The following SVIL variants were observed in gnomAD, a reference collection of about 807,000 sequenced individuals.
SVIL encodes supervillin.
Under a neutral mutation model 240.4 loss-of-function variants are expected in SVIL, and 101 were observed. The ratio of observed to expected loss-of-function variants is 0.42; its 90% CI spans 0.36 to 0.50. The LOEUF (loss-of-function observed/expected upper bound fraction) is 0.50. SVIL is among the 20% of genes least tolerant of loss of function. SVIL has a pLI of 0.01. For missense variants in SVIL, 2,512 were observed against 2,818.7 expected (o/e 0.89, Z 2.46); for synonymous variants, 999 against 1,100.0 (o/e 0.91, Z 1.82).
intron 2 of SVIL, among the ~76,000 whole-genome samples, chr10:29,678,980 T>C (rs1960414342): frequency 1.3e-5 from 2 of 152,056 alleles, no homozygotes; most frequent in East Asian, 3.9e-4. Context: ...CTGAGGTAGG[T>C]GGATCAACAG....
intron 2 of SVIL, chr10:29,671,138 G>A (rs558748642): frequency 6.6e-6 from 1 of 152,190 alleles, no homozygotes; most frequent in African/African-American, 2.4e-5. Flanking sequence ...AGCTGGAACC[G>A]TCCAAACCTT....
At chr10:29,473,608 A>G (rs1032419579) in intron 30 of SVIL, 2 of 584,296 alleles carry the variant, frequency 3.4e-6, no homozygotes, top group African/African-American at 1.9e-5. Flanking sequence ...TGGATTTCCT[A>G]TTTGCAGATA....
At chr10:29,622,843 C>A (rs904152723) in intron 1 of SVIL, among the ~76,000 whole-genome samples, 3 of 152,204 alleles carry the variant, frequency 2.0e-5, no homozygotes, top group African/African-American at 7.2e-5. Context: ...GCAAACCGCT[C>A]CCTAAGCGAG....
intron 36 of SVIL, among the ~76,000 whole-genome samples, chr10:29,459,367 ACC>A (rs1424532110): frequency 1.3e-5 from 2 of 152,080 alleles, no homozygotes; most frequent in Non-Finnish European, 2.9e-5. Flanking sequence ...TTTTAAACAA[ACC>A]CTGTCTCAGA....
rs190451614 is a variant in SVIL at position 29,597,005 on chromosome 10, C to G, written c.-200-27693G>C. Among the ~76,000 whole-genome samples the G allele has an allele frequency of 1.1e-3, 169 of 152,268 alleles. 2 individuals carry two copies. In the South Asian group the frequency reaches 0.034, roughly 31 times the overall value. On this transcript the variant is annotated intron_variant, in intron 1 of 37. Coordinates refer to ENST00000355867, the MANE Select transcript of SVIL (RefSeq NM_021738.3). ...GGGCAGGAGAGGGCTCTCCCGCCCC[C>G]CTACCAGGAATGTCTGGTGATGGTC...
chr10:29,724,306 G>T (rs556276196), intron 1 of SVIL, among the ~76,000 whole-genome samples: 12 of 146,366 alleles, frequency 8.2e-5, no homozygotes, highest in Non-Finnish European at 1.3e-4. Context: ...TGAGAAGCAA[G>T]TGTATAGAAA....
Position 29,484,640 on chromosome 10 carries a change from G to A in SVIL, c.4955+16C>T. ...AGCTCGCTTGAAGAGCTGTCCCCGG[G>A]CGGCGGCAGGAGTACCTGGGGATAA... is the stretch of plus-strand genomic sequence containing the variant. On this transcript the variant is annotated intron_variant, in intron 27 of 37. Coordinates refer to ENST00000355867, the MANE Select transcript of SVIL (RefSeq NM_021738.3). The surrounding 1 kb of genome is among the most constrained non-coding windows in gnomAD (Gnocchi z 4.7). 6.2e-7 allele frequency: 1 copy of A among 1,604,318 alleles called. No individual in the cohort carries two copies. Among genetic ancestry groups the A allele is most frequent in the Non-Finnish European group, 8.5e-7 (1 of 1,174,602 alleles).
At chr10:29,605,716 A>AAT (rs68082429) in intron 1 of SVIL, among the ~76,000 whole-genome samples, 17 of 144,994 alleles carry the variant, frequency 1.2e-4, no homozygotes, top group East Asian at 4.0e-4. Context: ...TATATATTCA[A>AAT]ATATATATAT....
At position 29,512,726 on chromosome 10, in the gene SVIL, G is replaced by A. The variant is rs755717680; in HGVS notation, c.3516+9C>T. The A allele has an allele frequency of 3.7e-6, 6 of 1,614,044 alleles. No homozygotes were observed. The highest frequency in any genetic ancestry group is 1.7e-4 in the Middle Eastern group (1 of 6,056). ...GTCGGAAGGCTTTTCCTAACATGGG[G>A]AATGTTACCTTCTTGATGAGGGACC... On this transcript the variant is annotated intron_variant, in intron 17 of 37. Transcript: ENST00000355867.
chr10:29,513,533 C>CT (rs747555237), intron 16 of SVIL, among the ~76,000 whole-genome samples: 23 of 152,052 alleles, frequency 1.5e-4, no homozygotes, highest in Non-Finnish European at 2.9e-4. Context: ...GAGACTCTGT[C>CT]TCAAAAAACA....
intron 21 of SVIL, 139 bp from the exon 22 acceptor site, chr10:29,491,158 C>T (rs1947915813): frequency 1.0e-6 from 1 of 964,322 alleles, no homozygotes; most frequent in Non-Finnish European, 1.5e-6. Flanking sequence ...ACTCCCCTGA[C>T]ATGGAGTCGT....
chr10:29,585,997 T>C (rs1271767861), intron 1 of SVIL, among the ~76,000 whole-genome samples: 2 of 152,264 alleles, frequency 1.3e-5, no homozygotes, highest in Non-Finnish European at 1.5e-5. Flanking sequence ...CCATAGAACC[T>C]GAGGCATCTG....
In SVIL at chr10:29,556,232, C is replaced by T. The variant is rs539335433; in HGVS notation, c.-50-1124G>A. ...CCTCAATAGCTTAAATTCATAAGGG[C>T]GCATCTGAGTGACTCCTATGAAGGA... On this transcript the variant is annotated intron_variant, in intron 3 of 37. Coordinates refer to ENST00000355867, the MANE Select transcript of SVIL (RefSeq NM_021738.3). Among the ~76,000 whole-genome samples the T allele has an allele frequency of 7.2e-5, 11 of 152,124 alleles. No homozygotes were observed. In the East Asian group the frequency reaches 1.5e-3, roughly 21 times the overall value.
intron 1 of SVIL, among the ~76,000 whole-genome samples, chr10:29,722,270 A>G (rs937590722): frequency 8.6e-5 from 13 of 151,802 alleles, no homozygotes; most frequent in African/African-American, 3.1e-4. Context: ...AAAAAACTGC[A>G]TCAGCAAGTA....
At position 29,470,154 on chromosome 10, in the gene SVIL, T is replaced by TCCTTTGCTG. The variant is rs1945390752; in HGVS notation, c.5843+113_5843+121dup. 23 of 1,134,286 alleles carry TCCTTTGCTG rather than the reference T, an allele frequency of 2.0e-5. 2 individuals are homozygous for TCCTTTGCTG. In the South Asian group the frequency reaches 3.2e-4, roughly 16 times the overall value. 70.3% of individuals were successfully genotyped at this position (1,134,286 alleles called of 1,614,324 possible). A position where few individuals can be genotyped will look rare whatever the true frequency, so the allele number is the denominator to read the frequency against. On this transcript the variant is annotated intron_variant, in intron 32 of 37. Coordinates refer to ENST00000355867, the MANE Select transcript of SVIL (RefSeq NM_021738.3). The stretch of plus-strand genomic sequence containing the variant: ...AGGCCCCTGACCACGTTCCCAGCCA[T>TCCTTTGCTG]CCTTTGCTGCAGTCACTTTCAGCAC...
intron 2 of SVIL, among the ~76,000 whole-genome samples, chr10:29,672,452 C>T (rs556947505): frequency 3.3e-5 from 5 of 151,736 alleles, no homozygotes; most frequent in South Asian, 4.2e-4. Flanking sequence ...TCAGCCTGGG[C>T]GACAGAGCAA....
At chr10:29,604,780 G>T (rs527255812) in intron 1 of SVIL, among the ~76,000 whole-genome samples, 30 of 152,176 alleles carry the variant, frequency 2.0e-4, no homozygotes, top group Non-Finnish European at 3.4e-4. Context: ...TGTTGCCCAG[G>T]CTGGTCTTGA....
At chr10:29,574,707 G>A (rs1474982120) in intron 1 of SVIL, among the ~76,000 whole-genome samples, 5 of 152,240 alleles carry the variant, frequency 3.3e-5, no homozygotes, top group Non-Finnish European at 5.9e-5. Context: ...CTGAGCACAA[G>A]AGAACCGGGG....
At chr10:29,711,598 TA>T (rs1369683289) in intron 1 of SVIL, among the ~76,000 whole-genome samples, 2 of 151,922 alleles carry the variant, frequency 1.3e-5, no homozygotes, top group East Asian at 1.9e-4. Context: ...CCGTTTATAC[TA>T]AAAATGCAAA....
Sources: gnomAD v4.1 joint callset for allele counts (sites outside exome capture counted in the v4.1 genomes callset) on GRCh38, gnomAD v4.1.1 for gene constraint, Gnocchi (gnomAD v3.1) non-coding constraint, MANE v1.5 for transcripts, NCBI Gene and HGNC (gene_info 2026-07-23, HGNC 2026-07-21) for gene names.